JAKMIP2: variants seen among roughly 807,000 people sequenced by gnomAD.
JAKMIP2 encodes the protein janus kinase and microtubule interacting protein 2.
Under a neutral mutation model 115.0 loss-of-function variants are expected in JAKMIP2, and 25 were observed. The ratio of observed to expected loss-of-function variants is 0.22; its 90% CI spans 0.16 to 0.30. The LOEUF is 0.30. JAKMIP2 is among the 10% of genes least tolerant of loss of function. JAKMIP2 has a pLI of 1.00. For synonymous variants in JAKMIP2, 334 were observed against 343.6 expected, an observed-to-expected ratio of 0.97 and a Z score of 0.31; for missense variants, 642 against 957.6, an observed-to-expected ratio of 0.67 and a Z score of 4.35.
In JAKMIP2 at chr5:147,768,263, C is replaced by T. The variant is rs116966101; in HGVS notation, c.-149+14193G>A. On this transcript the variant is annotated intron_variant, in intron 1 of 21. Transcript: ENST00000616793. ...CAAAATTTTAGTGCCTCAAGGCTTA[C>T]AGCTTACCGTGCTTTTAGGATTAAG... is the stretch of plus-strand genomic sequence containing the variant. Among the ~76,000 whole-genome samples the T allele has an allele frequency of 1.4e-3, 220 of 152,276 alleles. 3 individuals carry two copies. In the East Asian group the frequency reaches 0.019, roughly 13 times the overall value.
intron 21 of JAKMIP2, among the ~76,000 whole-genome samples, chr5:147,592,252 A>AT (rs764657969): frequency 6.6e-6 from 1 of 152,122 alleles, no homozygotes; most frequent in Non-Finnish European, 1.5e-5. Context: ...GCAAGATGTT[A>AT]TTTTAATAGC....
intron 1 of JAKMIP2, among the ~76,000 whole-genome samples, chr5:147,733,922 CAT>C (rs1479574920): frequency 2.6e-5 from 4 of 152,084 alleles, no homozygotes; most frequent in Non-Finnish European, 5.9e-5. Context: ...CTGCAGTAAA[CAT>C]ATGTGTGCAG....
intron 1 of JAKMIP2, among the ~76,000 whole-genome samples, chr5:147,707,080 T>G (rs191008460): frequency 7.2e-4 from 110 of 152,240 alleles, no homozygotes; most frequent in African/African-American, 2.6e-3. Context: ...ATGATGTAAA[T>G]ATATATTAAA....
intron 16 of JAKMIP2, among the ~76,000 whole-genome samples, chr5:147,624,777 C>T (rs1757017813): frequency 6.6e-6 from 1 of 152,012 alleles, no homozygotes; most frequent in African/African-American, 2.4e-5. Flanking sequence ...AGACAGACTA[C>T]CTTGGCCGTA....
chr5:147,632,127 A>G (rs2126687971), intron 13 of JAKMIP2, among the ~76,000 whole-genome samples: 1 of 152,352 alleles, frequency 6.6e-6, no homozygotes, highest in South Asian at 2.1e-4. Flanking sequence ...AATAAAAAAC[A>G]AACACCTGAA....
intron 2 of JAKMIP2, among the ~76,000 whole-genome samples, chr5:147,668,026 T>C (rs1759390152): frequency 6.6e-6 from 1 of 152,186 alleles, no homozygotes; most frequent in African/African-American, 2.4e-5. Flanking sequence ...CTCATTTTCT[T>C]CCTCAGTGAA....
At chr5:147,596,838 G>A (rs1244178656) in intron 21 of JAKMIP2, among the ~76,000 whole-genome samples, 1 of 152,074 alleles carries the variant, frequency 6.6e-6, no homozygotes, top group Admixed American at 6.6e-5. Context: ...CCTTATCCAT[G>A]TAAAAACTAA....
chr5:147,727,158 C>T (rs954831702), intron 1 of JAKMIP2, among the ~76,000 whole-genome samples: 2 of 152,302 alleles, frequency 1.3e-5, no homozygotes, highest in Non-Finnish European at 2.9e-5. Flanking sequence ...TCTGAGCTAC[C>T]TGTGGAGATT....
At chr5:147,780,863 A>T (rs969142016) in intron 1 of JAKMIP2, among the ~76,000 whole-genome samples, 6 of 152,200 alleles carry the variant, frequency 3.9e-5, no homozygotes, top group African/African-American at 1.4e-4. Flanking sequence ...ACTGACAATG[A>T]TATTGTTAGA....
At chr5:147,646,454 T>C (rs1485034805) in intron 5 of JAKMIP2, among the ~76,000 whole-genome samples, 1 of 152,118 alleles carries the variant, frequency 6.6e-6, no homozygotes, top group Non-Finnish European at 1.5e-5. Flanking sequence ...ATTTACTTAT[T>C]AATACAATTC....
Position 147,632,741 on chromosome 5 carries a change from T to C in JAKMIP2, c.1715A>G (p.Gln572Arg), listed in dbSNP as rs1757423950. 6.2e-7 allele frequency: 1 copy of C among 1,613,466 alleles called. No individual in the cohort carries two copies. Among genetic ancestry groups the C allele is most frequent in the African/African-American group, 1.3e-5 (1 of 74,922 alleles). The part of the protein sequence containing the change: ...KQEAENHRLQ[Q>R]ELQDARDQNE... ...CTGGTCTCTGGCGTCCTGTAGTTCT[T>C]GTTGTAACCGGTGATTTTCTGCCTC... The change falls in exon 13 of 22, where the codon CAA (glutamine) becomes CGA (arginine). Residue 572 changes from glutamine (Q) to arginine (R), a missense_variant. Physicochemically the swap from Gln to Arg is conservative, Grantham distance 43 (BLOSUM62 1). Coordinates refer to ENST00000616793, the MANE Select transcript of JAKMIP2 (RefSeq NM_001270941.2).
chr5:147,660,549 T>C (rs114468800), intron 3 of JAKMIP2: 35,324 of 403,836 alleles, frequency 0.087, 2,411 homozygotes, highest in East Asian at 0.24. Flanking sequence ...AAACAAACAA[T>C]AAAACTCTAC....
chr5:147,616,818 C>T lies in JAKMIP2; in HGVS notation c.2346+1093G>A, dbSNP rs985874667. On this transcript the variant is annotated intron_variant, in intron 19 of 21. Coordinates refer to ENST00000616793, the MANE Select transcript of JAKMIP2 (RefSeq NM_001270941.2). ...AGAATTCTCCACCTACTTGGGTAAT[C>T]TATTAGCCTATAAAATCCACAAAGC... is the stretch of plus-strand genomic sequence containing the variant. Among the ~76,000 whole-genome samples the T allele has an allele frequency of 2.2e-4, 33 of 152,150 alleles. 1 individual carries two copies. The highest frequency in any genetic ancestry group is 7.5e-4 in the African/African-American group (31 of 41,442).
intron 1 of JAKMIP2, among the ~76,000 whole-genome samples, chr5:147,772,287 G>T (rs1755388100): frequency 6.6e-6 from 1 of 152,120 alleles, no homozygotes. Flanking sequence ...CCACAAACCA[G>T]ATCTAAAGCA....
intron 1 of JAKMIP2, among the ~76,000 whole-genome samples, chr5:147,711,036 T>A (rs1420825364): frequency 6.6e-6 from 1 of 152,208 alleles, no homozygotes; most frequent in East Asian, 1.9e-4. Flanking sequence ...ACAGGTAACA[T>A]GTTAAGTGCA....
intron 14 of JAKMIP2, 75 bp downstream of exon 14, chr5:147,631,338 C>A: frequency 2.4e-6 from 2 of 831,496 alleles, no homozygotes; most frequent in South Asian, 1.8e-5. Context: ...ACAAAATAGT[C>A]GTAAGTAACC....
chr5:147,598,362 A>G (rs1350950722), intron 21 of JAKMIP2, among the ~76,000 whole-genome samples: 1 of 152,098 alleles, frequency 6.6e-6, no homozygotes, highest in Non-Finnish European at 1.5e-5. Flanking sequence ...ATGGCTTACC[A>G]TGGGACTTCT....
At chr5:147,682,411 C>T (rs549039566) in intron 1 of JAKMIP2, among the ~76,000 whole-genome samples, 1 of 152,228 alleles carries the variant, frequency 6.6e-6, no homozygotes, top group South Asian at 2.1e-4. Context: ...AGTAATATTC[C>T]TCTGGCAGTA....
chr5:147,737,884 A>G (rs1753984767), intron 1 of JAKMIP2, among the ~76,000 whole-genome samples: 1 of 152,214 alleles, frequency 6.6e-6, no homozygotes, highest in African/African-American at 2.4e-5. Flanking sequence ...CTTAGTAAAT[A>G]TAAGTTGATG....
Sources: allele counts gnomAD v4.1 joint callset (sites outside exome capture counted in the v4.1 genomes callset), GRCh38; gene constraint gnomAD v4.1.1; transcripts MANE v1.5; gene names NCBI Gene and HGNC (gene_info 2026-07-23, HGNC 2026-07-21).